CTSB: variants seen among roughly 807,000 people sequenced by gnomAD.
CTSB encodes cathepsin B, also known as APP secretase.
In CTSB, 57 loss-of-function variants were observed where a neutral mutation model predicts 44.3. The ratio of observed to expected loss-of-function variants is 1.29; its 90% CI spans 1.04 to 1.60. The LOEUF is 1.60. Among genes scored for constraint, CTSB ranks in the 40% most tolerant of loss-of-function variants. The probability of loss-of-function intolerance (pLI) is 0.00; values close to 1 mark genes in which losing one functional copy is unlikely to be tolerated. For missense variants in CTSB, 768 were observed against 443.0 expected (o/e 1.73, Z -6.59); for synonymous variants, 320 against 168.0 (o/e 1.91, Z -7.00).
chr8:11,853,072 T>C (rs900923090), intron 2 of CTSB, among the ~76,000 whole-genome samples: 7 of 152,062 alleles, frequency 4.6e-5, no homozygotes, highest in African/African-American at 4.8e-5. Flanking sequence ...GAAGCTCACT[T>C]ACTCCCCCAC....
intron 8 of CTSB, chr8:11,846,181 C>T (rs571697349): frequency 6.5e-6 from 1 of 154,396 alleles, no homozygotes; most frequent in African/African-American, 2.4e-5. Context: ...AATAGCTGCT[C>T]CAGGTACACC....
chr8:11,853,186 A>G (rs1814913157), intron 2 of CTSB, 143 bp downstream of exon 2: 2 of 1,136,700 alleles, frequency 1.8e-6, no homozygotes, highest in Admixed American at 2.2e-5. Flanking sequence ...CAGAGCCGAC[A>G]TGACTCAGGG....
chr8:11,851,217 T>G (rs1814540525), intron 3 of CTSB, among the ~76,000 whole-genome samples: 1 of 152,100 alleles, frequency 6.6e-6, no homozygotes, highest in Admixed American at 6.6e-5. Context: ...GTGGACAGAA[T>G]TTCACTGTGT....
rs11548597 is a variant in CTSB, at chr8:11,849,102, G to A, written c.390C>T (p.Ser130=). The change falls in exon 5 of 10, where the codon AGC becomes AGT. Residue 130 remains serine, a synonymous_variant. Transcript: ENST00000353047. ...GCAGGTCCTCCGCCGACACCTCCAC[G>A]CTGACGTGCGCATTGGTGTGGATGC... The part of the protein sequence containing the change: ...RICIHTNAHV[S]VEVSAEDLLT... 40 of 1,613,442 alleles carry A rather than the reference G, an allele frequency of 2.5e-5. No individual in the cohort carries two copies. Among genetic ancestry groups the A allele is most frequent in the African/African-American group, 2.0e-4 (15 of 74,928 alleles).
At chr8:11,862,358 C>A (rs953550860) in intron 1 of CTSB, 5 of 152,194 alleles carry the variant, frequency 3.3e-5, no homozygotes, top group African/African-American at 2.4e-5. Context: ...GCACCAGGCT[C>A]AGAGCAGCGC....
At position 11,852,553 on chromosome 8, in the gene CTSB, G is replaced by A. The variant is rs1388674001; in HGVS notation, c.212+57C>T. ...GGCCTTCACTCTCCCACTTCCCACT[G>A]CCCCAAACCAACGCCTGCCACTCAC... On this transcript the variant is annotated intron_variant, in intron 3 of 9. Coordinates refer to ENST00000353047, the MANE Select transcript of CTSB (RefSeq NM_001908.5). 12 of 1,457,782 alleles carry A rather than the reference G, an allele frequency of 8.2e-6. No homozygotes were observed. The South Asian group carries it at 1.3e-4, about 16-fold the overall frequency. The allele number at this position is 1,457,782 out of a possible 1,614,324, so 90.3% of individuals were successfully genotyped here. A position where few individuals can be genotyped will look rare whatever the true frequency, so the allele number is the denominator to read the frequency against.
At position 11,843,326 on chromosome 8, in the gene CTSB, T is replaced by A. The variant is rs1812603942; in HGVS notation, c.*1799A>T. 6.6e-6 allele frequency: 1 copy of A among 152,298 alleles called. No homozygotes were observed. Among genetic ancestry groups the A allele is most frequent in the South Asian group, 2.1e-4 (1 of 4,830 alleles). The allele number at this position is 152,298 out of a possible 1,614,324, so 9.4% of individuals were successfully genotyped here. ...CCTCAGATTTTCAGAGCTTATTTGA[T>A]CTAGCATCTGGTTCCTAAATTCTGA... On this transcript the variant is annotated 3_prime_UTR_variant, in exon 10 of 10. Coordinates refer to ENST00000353047, the MANE Select transcript of CTSB (RefSeq NM_001908.5).
At position 11,845,126 on chromosome 8, in the gene CTSB, T is replaced by G. The variant is rs1482941040; in HGVS notation, c.1019A>C (p.Ter340SerextTer34). The change falls in exon 10 of 10, where the codon TAA becomes TCA. Residue 340 changes from the stop codon to serine, a stop_lost. Transcript: ENST00000353047. The stretch of plus-strand genomic sequence containing the variant: ...CTGGCACGACAGGCCCACGGCAGAT[T>G]AGATCTTTTCCCAGTACTGATCGGT... ...PRTDQYWEKI[*>S] 1.2e-6 allele frequency: 2 copies of G among 1,609,860 alleles called. No individual in the cohort carries two copies. Among genetic ancestry groups the G allele is most frequent in the Admixed American group, 1.7e-5 (1 of 60,014 alleles).
intron 1 of CTSB, among the ~76,000 whole-genome samples, chr8:11,855,279 C>A (rs1445683315): frequency 6.6e-6 from 1 of 152,208 alleles, no homozygotes; most frequent in Admixed American, 6.5e-5. Context: ...CTCAGCCTCC[C>A]AAAGTGCTGC....
chr8:11,847,903 A>G (rs975592404), intron 6 of CTSB, 81 bp from the exon 7 acceptor site: 2 of 1,488,116 alleles, frequency 1.3e-6, no homozygotes, highest in African/African-American at 1.4e-5. Flanking sequence ...TCGTGCCTGC[A>G]GCATGGACGC....
chr8:11,846,605 C>G (rs1185703281), intron 8 of CTSB, among the ~76,000 whole-genome samples: 2 of 152,218 alleles, frequency 1.3e-5, no homozygotes, highest in Admixed American at 1.3e-4. Flanking sequence ...TGGTGTGAGG[C>G]ACGATCTAGG....
chr8:11,848,032 A>T, intron 6 of CTSB, 35 bp downstream of exon 6: 1 of 1,522,116 alleles, frequency 6.6e-7, no homozygotes, highest in Non-Finnish European at 9.0e-7. Context: ...CAAACAATCC[A>T]TCTGGCCAGA....
chr8:11,851,372 TAA>T (rs1436407712), intron 3 of CTSB, among the ~76,000 whole-genome samples: 1 of 151,914 alleles, frequency 6.6e-6, no homozygotes, highest in Non-Finnish European at 1.5e-5. Flanking sequence ...GTATTTTTAG[TAA>T]AGACAGGGTT....
chr8:11,854,219 C>T (rs1815118179), intron 1 of CTSB, among the ~76,000 whole-genome samples: 2 of 152,170 alleles, frequency 1.3e-5, no homozygotes, highest in South Asian at 4.1e-4. Context: ...CGCCTGCATC[C>T]AGGGCTGGGG....
intron 1 of CTSB, among the ~76,000 whole-genome samples, chr8:11,858,655 T>A (rs1815911502): frequency 6.6e-6 from 1 of 152,134 alleles, no homozygotes; most frequent in African/African-American, 2.4e-5. Flanking sequence ...CTCTTGAGGG[T>A]CCCGAGACTG....
Position 11,847,674 on chromosome 8 carries a change from C to A in CTSB, c.676+5G>T. On this transcript the variant is annotated splice_donor_5th_base_variant and intron_variant, in intron 7 of 9. Transcript: ENST00000353047. ...TGCGCCGTGGCCAGGCCCCAGGCCC[C>A]TTACCGTAGTGCTTGTCCTGTTTGT... is the stretch of plus-strand genomic sequence containing the variant. The A allele has an allele frequency of 6.5e-7, 1 of 1,537,656 alleles. No homozygotes were observed. The highest frequency in any genetic ancestry group is 8.7e-7 in the Non-Finnish European group (1 of 1,145,798).
In CTSB at chr8:11,866,139, A is replaced by C. The variant is rs141756349; in HGVS notation, c.-26+1862T>G. ...TCACTTCCCAATCCAACCAAGAGCA[A>C]CAGAAAATATCTGTTACCCCTAAAA... is the stretch of plus-strand genomic sequence containing the variant. On this transcript the variant is annotated intron_variant, in intron 1 of 9. Coordinates refer to ENST00000353047, the MANE Select transcript of CTSB (RefSeq NM_001908.5). Among the ~76,000 whole-genome samples, 784 of 152,286 alleles carry C rather than the reference A, an allele frequency of 5.1e-3. 3 individuals carry two copies. Among genetic ancestry groups the C allele is most frequent in the Non-Finnish European group, 7.7e-3 (525 of 68,010 alleles).
chr8:11,853,594 G>A, intron 1 of CTSB, 115 bp from the exon 2 acceptor site: 5 of 1,068,872 alleles, frequency 4.7e-6, no homozygotes, highest in Non-Finnish European at 5.2e-6. Flanking sequence ...CCTGGCCCAG[G>A]CGGAGAACTC....
At position 11,852,693 on chromosome 8, in the gene CTSB, G is replaced by C; in HGVS notation, c.129C>G (p.Ala43=). The C allele has an allele frequency of 1.2e-6, 2 of 1,613,790 alleles. No individual in the cohort carries two copies. The highest frequency in any genetic ancestry group is 1.3e-5 in the African/African-American group (1 of 75,064). ...YVNKRNTTWQ[A]GHNFYNVDMS... Reference sequence around the variant, plus strand: ...TGTCCACGTTGTAGAAGTTGTGCCCGGCCTGGAAGAGAGTCACCCACTGAC... The same window carrying C: ...TGTCCACGTTGTAGAAGTTGTGCCCCGCCTGGAAGAGAGTCACCCACTGAC... The change falls in exon 3 of 10, where the codon GCC becomes GCG. Residue 43 remains alanine (A), a splice_region_variant and synonymous_variant. Transcript: ENST00000353047.
Sources: allele counts gnomAD v4.1 joint callset (sites outside exome capture counted in the v4.1 genomes callset), GRCh38; gene constraint gnomAD v4.1.1; transcripts MANE v1.5; gene names NCBI Gene and HGNC (gene_info 2026-07-23, HGNC 2026-07-21).